Variants in MRPS6 observed in about 807,000 individuals in gnomAD.
MRPS6 encodes mitochondrial ribosomal protein S6.
In MRPS6, 6 loss-of-function variants were observed where a neutral mutation model predicts 13.1. That is an observed-to-expected ratio of 0.46 (90% CI 0.25 to 0.91). MRPS6 has a LOEUF of 0.91. Among genes scored for constraint, MRPS6 ranks in the 40% least tolerant of loss-of-function variants. The pLI is 0.18. For missense variants in MRPS6, 164 were observed against 155.6 expected (o/e 1.05, Z -0.29); for synonymous variants, 61 against 56.5 (o/e 1.08, Z -0.36).
chr21:34,097,068 G>T (rs1978997054), intron 1 of MRPS6: 1 of 1,614,116 alleles, frequency 6.2e-7, no homozygotes, highest in Non-Finnish European at 8.5e-7. Flanking sequence ...TCATTCAGAG[G>T]CAGAAACACC....
intron 1 of MRPS6, among the ~76,000 whole-genome samples, chr21:34,075,303 T>C (rs962296488): frequency 1.3e-5 from 2 of 152,332 alleles, no homozygotes; most frequent in Non-Finnish European, 2.9e-5. Flanking sequence ...CTGTAACCCT[T>C]TGAAACCTTT....
intron 2 of MRPS6, among the ~76,000 whole-genome samples, chr21:34,138,283 G>A (rs1402346688): frequency 6.6e-6 from 1 of 151,944 alleles, no homozygotes; most frequent in African/African-American, 2.4e-5. Flanking sequence ...GGTCAATTTT[G>A]GCTTTTGTTG....
intron 1 of MRPS6, chr21:34,100,596 C>T (rs1979191862): frequency 7.0e-6 from 7 of 1,000,042 alleles, no homozygotes; most frequent in Admixed American, 6.2e-5. Flanking sequence ...AGCCATAGCT[C>T]TTAGGGATGA....
In MRPS6 at chr21:34,116,178, T is replaced by TTGTGTGTGTGTG. The variant is rs57694757; in HGVS notation, c.46-9135_46-9124dup. On this transcript the variant is annotated intron_variant, in intron 1 of 2. Coordinates refer to ENST00000399312, the MANE Select transcript of MRPS6 (RefSeq NM_032476.4). The stretch of plus-strand genomic sequence containing the variant: ...TGTGTCCCACCATGCCCAGCTAATT[T>TTGTGTGTGTGTG]TGTGTGTGTGTGTGTGTGTGTGTGT... Among the ~76,000 whole-genome samples the TTGTGTGTGTGTG allele has an allele frequency of 5.9e-3, 827 of 141,364 alleles. 8 individuals are homozygous for TTGTGTGTGTGTG. The highest frequency in any genetic ancestry group is 0.019 in the South Asian group (79 of 4,250). The allele number at this position is 141,364 out of a possible 152,430, so 92.7% of individuals were successfully genotyped here.
At chr21:34,076,324 A>G (rs1345835202) in intron 1 of MRPS6, among the ~76,000 whole-genome samples, 2 of 152,140 alleles carry the variant, frequency 1.3e-5, no homozygotes, top group Non-Finnish European at 2.9e-5. Context: ...TGAGCTTGCA[A>G]AGTTTTAAAA....
chr21:34,100,647 T>G, intron 1 of MRPS6: 1 of 1,000,216 alleles, frequency 1.0e-6, no homozygotes. Flanking sequence ...TCTGTGAAAC[T>G]TCACATTTTA....
At chr21:34,099,960 G>C in intron 1 of MRPS6, 1 of 463,646 alleles carries the variant, frequency 2.2e-6, no homozygotes, top group Non-Finnish European at 2.9e-6. Context: ...TATTTCATTA[G>C]AATGATTGTT....
At chr21:34,077,963 C>A (rs1301005160) in intron 1 of MRPS6, among the ~76,000 whole-genome samples, 1 of 152,106 alleles carries the variant, frequency 6.6e-6, no homozygotes, top group Admixed American at 6.5e-5. Context: ...CTATGAAGTG[C>A]CTGTATTTTA....
chr21:34,109,114 C>T (rs901246431), intron 1 of MRPS6, among the ~76,000 whole-genome samples: 3 of 152,064 alleles, frequency 2.0e-5, no homozygotes, highest in Non-Finnish European at 4.4e-5. Context: ...TTTAAGAGCT[C>T]TTTTGTTCCT....
At chr21:34,128,383 G>A (rs559301739) in intron 2 of MRPS6, among the ~76,000 whole-genome samples, 3 of 152,108 alleles carry the variant, frequency 2.0e-5, no homozygotes, top group East Asian at 3.9e-4. Flanking sequence ...CAAATCAACC[G>A]CCTTATCACG....
intron 2 of MRPS6, among the ~76,000 whole-genome samples, chr21:34,138,294 C>G (rs897073200): frequency 6.6e-6 from 1 of 151,748 alleles, no homozygotes; most frequent in African/African-American, 2.4e-5. Flanking sequence ...GCTTTTGTTG[C>G]CATTGCTTTT....
Position 34,131,644 on chromosome 21 carries a change from AC to A in MRPS6, c.185+6168del, listed in dbSNP as rs1980505101. Among the ~76,000 whole-genome samples the A allele has an allele frequency of 3.3e-5, 5 of 151,990 alleles. No homozygotes were observed. The South Asian group carries it at 8.3e-4, about 25-fold the overall frequency. ...GCATCAAAAGCCACCCAGCCCCACC[AC>A]CCCACACAGGTTGTTTCTAGGCCTG... On this transcript the variant is annotated intron_variant, in intron 2 of 2. Transcript: ENST00000399312.
At chr21:34,131,190 A>T (rs1980488752) in intron 2 of MRPS6, among the ~76,000 whole-genome samples, 1 of 152,236 alleles carries the variant, frequency 6.6e-6, no homozygotes, top group Admixed American at 6.5e-5. Context: ...GCTTTGGGGC[A>T]TGTCTAGTCA....
At chr21:34,125,007 C>T (rs922292282) in intron 1 of MRPS6, 7 of 186,374 alleles carry the variant, frequency 3.8e-5, no homozygotes, top group Non-Finnish European at 6.6e-5. Flanking sequence ...CAAGGACTGA[C>T]AGTGATTGGC....
At chr21:34,134,714 G>T (rs142618239) in intron 2 of MRPS6, among the ~76,000 whole-genome samples, 25 of 151,356 alleles carry the variant, frequency 1.7e-4, no homozygotes, top group Middle Eastern at 3.4e-3. Flanking sequence ...GATTTTTTTC[G>T]ACTTTATGAT....
intron 2 of MRPS6, among the ~76,000 whole-genome samples, chr21:34,133,266 C>G (rs1980568287): frequency 6.6e-6 from 1 of 152,094 alleles, no homozygotes; most frequent in Non-Finnish European, 1.5e-5. Context: ...TCTTTTTACC[C>G]TTATCACATC....
At chr21:34,083,270 T>A (rs1989499912) in intron 1 of MRPS6, among the ~76,000 whole-genome samples, 1 of 152,216 alleles carries the variant, frequency 6.6e-6, no homozygotes, top group African/African-American at 2.4e-5. Flanking sequence ...GCTGGGAAGA[T>A]GCTCTTGCAA....
rs546209404 is a variant in MRPS6 at position 34,109,061 on chromosome 21, C to T, written c.46-16280C>T. Among the ~76,000 whole-genome samples the T allele has an allele frequency of 2.6e-5, 4 of 152,256 alleles. 1 individual carries two copies. Among genetic ancestry groups the T allele is most frequent in the African/African-American group, 9.6e-5 (4 of 41,558 alleles). On this transcript the variant is annotated intron_variant, in intron 1 of 2. Transcript: ENST00000399312. ...CAGTTTCTAAACTTTATCTTCCAAC[C>T]CTTCTGTTGAAAAAGAATAAAATTT...
At chr21:34,097,785 A>T (rs1173322235) in intron 1 of MRPS6, 4 of 1,000,836 alleles carry the variant, frequency 4.0e-6, no homozygotes, top group Non-Finnish European at 4.8e-6. Context: ...ATTAAGAAAA[A>T]CTTATTTCTT....
Sources: allele counts gnomAD v4.1 joint callset (sites outside exome capture counted in the v4.1 genomes callset), GRCh38; gene constraint gnomAD v4.1.1; transcripts MANE v1.5; gene names NCBI Gene and HGNC (gene_info 2026-07-23, HGNC 2026-07-21).